Variants in PKP4 observed in about 807,000 individuals in gnomAD.
The protein encoded by PKP4 is plakophilin 4, also known as plakophilin-4.
Under a neutral mutation model 145.1 loss-of-function variants are expected in PKP4, and 90 were observed. The ratio of observed to expected loss-of-function variants is 0.62; its 90% confidence interval spans 0.52 to 0.74. The LOEUF is 0.74. Among genes scored for constraint, PKP4 ranks in the 30% least tolerant of loss-of-function variants. PKP4 has a pLI of 0.00. For synonymous variants in PKP4, 563 were observed against 577.2 expected (o/e 0.98, Z 0.35); for missense variants, 1,340 against 1,482.7 (o/e 0.90, Z 1.58).
chr2:158,671,705 C>T (rs1334850598), intron 17 of PKP4, among the ~76,000 whole-genome samples: 1 of 152,228 alleles, frequency 6.6e-6, no homozygotes, highest in Non-Finnish European at 1.5e-5. Flanking sequence ...ACAGCCCCAC[C>T]CGAGGTAGCT....
At chr2:158,585,744 G>T (rs1258184909) in intron 3 of PKP4, among the ~76,000 whole-genome samples, 1 of 152,064 alleles carries the variant, frequency 6.6e-6, no homozygotes, top group Non-Finnish European at 1.5e-5. Context: ...ACCTGAGAGT[G>T]CTTTTTATAA....
intron 1 of PKP4, among the ~76,000 whole-genome samples, chr2:158,529,937 G>T (rs147450288): frequency 0.015 from 2,225 of 152,222 alleles, 42 homozygotes; most frequent in Middle Eastern, 0.048. Flanking sequence ...ATTTGGTAGG[G>T]TTGGGTCAAG....
At chr2:158,675,401 T>G (rs1429419776) in intron 19 of PKP4, among the ~76,000 whole-genome samples, 1 of 152,136 alleles carries the variant, frequency 6.6e-6, no homozygotes, top group Non-Finnish European at 1.5e-5. Context: ...CTCTTCAATG[T>G]GGCCCAAGGA....
chr2:158,583,273 A>G (rs956329404), intron 3 of PKP4, among the ~76,000 whole-genome samples: 7 of 152,134 alleles, frequency 4.6e-5, no homozygotes, highest in African/African-American at 1.4e-4. Context: ...AAAGGGTCCA[A>G]TAGCCCACAT....
intron 1 of PKP4, among the ~76,000 whole-genome samples, chr2:158,477,010 T>A (rs996408752): frequency 6.6e-6 from 1 of 152,178 alleles, no homozygotes; most frequent in African/African-American, 2.4e-5. Context: ...TGTGAACACC[T>A]GTATAATAGA....
At position 158,456,971 on chromosome 2, in the gene PKP4, C is replaced by T. The variant is rs1417103932; in HGVS notation, c.-253C>T. ...CTGGGCAGTAGAGGGGGCTCCGGGG[C>T]TGAGTCCGCGTCGACGCCGGCCGCG... On this transcript the variant is annotated 5_prime_UTR_variant, in exon 1 of 22. Transcript: ENST00000389759. 6.7e-6 allele frequency: 1 copy of T among 150,208 alleles called. No homozygotes were observed. Among genetic ancestry groups the T allele is most frequent in the Non-Finnish European group, 1.5e-5 (1 of 67,530 alleles). The allele number at this position is 150,208 out of a possible 1,614,324, so 9.3% of individuals were successfully genotyped here.
At chr2:158,672,715 C>A (rs2057671848) in intron 17 of PKP4, among the ~76,000 whole-genome samples, 1 of 152,200 alleles carries the variant, frequency 6.6e-6, no homozygotes, top group Non-Finnish European at 1.5e-5. Flanking sequence ...AGTGGGTTGG[C>A]TTTACCTGGC....
Position 158,577,359 on chromosome 2 carries a change from A to G in PKP4, c.221A>G (p.Glu74Gly). 2 of 1,612,646 alleles carry G rather than the reference A, an allele frequency of 1.2e-6. No individual in the cohort carries two copies. The change falls in exon 3 of 22, where the codon GAA becomes GGA. Residue 74 changes from glutamate (E) to glycine (G), a missense_variant. Glu to Gly is a moderately conservative substitution (Grantham distance 98). Coordinates refer to ENST00000389759, the MANE Select transcript of PKP4 (RefSeq NM_003628.6). ...SQLERCRLGA[E>G]SPSIASTSST... Reference sequence around the variant, plus strand: ...CTAGAAAGATGTAGGCTTGGAGCAGAATCACCAAGCATCGCCAGCACCAGG... The same window carrying G: ...CTAGAAAGATGTAGGCTTGGAGCAGGATCACCAAGCATCGCCAGCACCAGG...
chr2:158,495,733 C>G (rs1165117216), intron 1 of PKP4, among the ~76,000 whole-genome samples: 1 of 151,458 alleles, frequency 6.6e-6, no homozygotes, highest in East Asian at 2.0e-4. Flanking sequence ...ACTCAGGAGG[C>G]TGAGGCAGGG....
chr2:158,648,391 A>G (rs2055025561), intron 11 of PKP4, among the ~76,000 whole-genome samples: 1 of 152,222 alleles, frequency 6.6e-6, no homozygotes, highest in Non-Finnish European at 1.5e-5. Context: ...GGGCCAGGCT[A>G]AGGTTTAACA....
In PKP4 at chr2:158,634,121, A is replaced by G. The variant is rs376848332; in HGVS notation, c.1394A>G (p.Tyr465Cys). 6 of 1,613,928 alleles carry G rather than the reference A, an allele frequency of 3.7e-6. No homozygotes were observed. Among genetic ancestry groups the G allele is most frequent in the Non-Finnish European group, 5.1e-6 (6 of 1,179,904 alleles). Residue 465 changes from tyrosine (Y) to cysteine (C), a missense_variant, in exon 9 of 22, where the codon TAC (tyrosine) becomes TGC (cysteine). Physicochemically the swap from Tyr to Cys is radical, Grantham distance 194. Coordinates refer to ENST00000389759, the MANE Select transcript of PKP4 (RefSeq NM_003628.6). ...TCCAGCCAACGAAGTACCCTTACATACCAAAGAAATAATTATGCTCTGAAC... is the reference window on the plus strand; with the variant it reads ...TCCAGCCAACGAAGTACCCTTACATGCCAAAGAAATAATTATGCTCTGAAC... ...RTSSQRSTLT[Y>C]QRNNYALNTT...
chr2:158,543,447 G>A (rs1485174369), intron 2 of PKP4, among the ~76,000 whole-genome samples: 1 of 152,184 alleles, frequency 6.6e-6, no homozygotes, highest in African/African-American at 2.4e-5. Flanking sequence ...ATGGTCTTAT[G>A]TCGGGGGAAG....
intron 4 of PKP4, among the ~76,000 whole-genome samples, chr2:158,616,468 C>A (rs561864008): frequency 1.5e-5 from 2 of 137,056 alleles, no homozygotes; most frequent in African/African-American, 2.8e-5. Flanking sequence ...TGTAACACAA[C>A]AGTTTCTACT....
chr2:158,667,871 T>C (rs769277394), intron 16 of PKP4, among the ~76,000 whole-genome samples: 23 of 152,246 alleles, frequency 1.5e-4, no homozygotes, highest in South Asian at 4.1e-4. Context: ...AGAGATATTC[T>C]TTAAAGTTAT....
intron 3 of PKP4, among the ~76,000 whole-genome samples, chr2:158,589,311 G>A (rs2049055714): frequency 6.6e-6 from 1 of 152,100 alleles, no homozygotes; most frequent in African/African-American, 2.4e-5. Flanking sequence ...TCTAACATGA[G>A]GCTGACATTT....
chr2:158,625,522 A>C, intron 7 of PKP4, 95 bp downstream of exon 7: 1 of 1,053,444 alleles, frequency 9.5e-7, no homozygotes, highest in Non-Finnish European at 1.4e-6. Context: ...GAAAAGGCTC[A>C]TTCGTGTTTT....
At chr2:158,650,275 A>C (rs537008614) in intron 11 of PKP4, among the ~76,000 whole-genome samples, 1 of 152,322 alleles carries the variant, frequency 6.6e-6, no homozygotes, top group South Asian at 2.1e-4. Flanking sequence ...TTGTAAGCTT[A>C]TTTATTTTCT....
chr2:158,663,741 C>T (rs1369505549), intron 15 of PKP4, among the ~76,000 whole-genome samples: 4 of 152,160 alleles, frequency 2.6e-5, no homozygotes, highest in Non-Finnish European at 5.9e-5. Flanking sequence ...TGAAAGAAGA[C>T]ATCTAACCCA....
chr2:158,652,471 G>A (rs548378074), intron 11 of PKP4, among the ~76,000 whole-genome samples: 21 of 152,200 alleles, frequency 1.4e-4, no homozygotes, highest in Non-Finnish European at 1.9e-4. Context: ...ATTGGGCTAA[G>A]GGGAGAACTT....
Sources: gnomAD v4.1 joint callset for allele counts (sites outside exome capture counted in the v4.1 genomes callset) on GRCh38, gnomAD v4.1.1 for gene constraint, MANE v1.5 for transcripts, NCBI Gene and HGNC (gene_info 2026-07-23, HGNC 2026-07-21) for gene names.